CCDC178: variants seen among roughly 807,000 people sequenced by gnomAD.
CCDC178 encodes the protein coiled-coil domain containing 178.
CCDC178 carries 126 observed loss-of-function variants against 117.4 expected under a neutral mutation model. The ratio of observed to expected loss-of-function variants is 1.07; its 90% CI spans 0.93 to 1.24. CCDC178 has a LOEUF of 1.24. Ranked by LOEUF, CCDC178 falls within the 50% of genes most tolerant of loss-of-function variation. CCDC178 has a pLI of 0.00. For synonymous variants in CCDC178, 283 were observed against 313.4 expected (o/e 0.90, Z 1.02); for missense variants, 1,030 against 986.9 (o/e 1.04, Z -0.59).
At chr18:33,133,137 A>G (rs1269159200) in intron 20 of CCDC178, among the ~76,000 whole-genome samples, 1 of 151,846 alleles carries the variant, frequency 6.6e-6, no homozygotes, top group Non-Finnish European at 1.5e-5. Context: ...GAGTTTTGCT[A>G]TTATAGGGAA....
At chr18:33,261,497 CCTT>C (rs1178210170) in intron 14 of CCDC178, among the ~76,000 whole-genome samples, 3 of 152,100 alleles carry the variant, frequency 2.0e-5, no homozygotes, top group Non-Finnish European at 4.4e-5. Flanking sequence ...TTATCAGACA[CCTT>C]CTTGCTAGAT....
At chr18:33,067,244 C>A (rs759588297) in intron 21 of CCDC178, among the ~76,000 whole-genome samples, 1 of 152,092 alleles carries the variant, frequency 6.6e-6, no homozygotes, top group Non-Finnish European at 1.5e-5. Flanking sequence ...ACAACAAGAT[C>A]TTGAACAACC....
intron 11 of CCDC178, among the ~76,000 whole-genome samples, chr18:33,309,646 T>C (rs1431532473): frequency 6.6e-6 from 1 of 152,164 alleles, no homozygotes; most frequent in East Asian, 1.9e-4. Context: ...TCTTTTTTCC[T>C]AGGCTTTCAC....
intron 14 of CCDC178, among the ~76,000 whole-genome samples, chr18:33,250,634 T>C (rs889032642): frequency 6.6e-6 from 1 of 151,720 alleles, no homozygotes; most frequent in African/African-American, 2.4e-5. Flanking sequence ...TTTCAAAATA[T>C]GTAATAAAAT....
intron 20 of CCDC178, among the ~76,000 whole-genome samples, chr18:33,175,561 T>A (rs559294738): frequency 6.6e-6 from 1 of 152,252 alleles, no homozygotes; most frequent in South Asian, 2.1e-4. Context: ...TAATGCCTAC[T>A]TTCATCTGTT....
At chr18:33,280,377 G>A (rs1221494570) in intron 12 of CCDC178, among the ~76,000 whole-genome samples, 1 of 151,490 alleles carries the variant, frequency 6.6e-6, no homozygotes, top group Non-Finnish European at 1.5e-5. Flanking sequence ...GGCCATCAGA[G>A]AAATGCAAAT....
At chr18:33,143,160 G>A (rs2058228402) in intron 20 of CCDC178, among the ~76,000 whole-genome samples, 1 of 152,134 alleles carries the variant, frequency 6.6e-6, no homozygotes, top group East Asian at 1.9e-4. Flanking sequence ...AAAGCAGGCA[G>A]CTAGCATTGT....
At chr18:33,334,093 T>G (rs1041383521) in intron 9 of CCDC178, among the ~76,000 whole-genome samples, 2 of 152,062 alleles carry the variant, frequency 1.3e-5, no homozygotes, top group African/African-American at 4.8e-5. Context: ...AAGTGATTAT[T>G]ATTTTCTTAT....
At chr18:33,326,597 C>T (rs2062587797) in intron 10 of CCDC178, among the ~76,000 whole-genome samples, 1 of 152,142 alleles carries the variant, frequency 6.6e-6, no homozygotes, top group African/African-American at 2.4e-5. Flanking sequence ...ATCTATGAGG[C>T]AAGGGATTCC....
At chr18:33,396,874 T>G (rs2063644603) in intron 4 of CCDC178, among the ~76,000 whole-genome samples, 1 of 151,986 alleles carries the variant, frequency 6.6e-6, no homozygotes, top group Admixed American at 6.6e-5. Flanking sequence ...TCATAATCAT[T>G]TATGAAAAAA....
At chr18:33,293,509 T>C (rs9967168) in intron 11 of CCDC178, among the ~76,000 whole-genome samples, 197 bp from the exon 12 acceptor site, 70 of 150,344 alleles carry the variant, frequency 4.7e-4, no homozygotes, top group African/African-American at 1.2e-3. Context: ...AAAAAAAAAA[T>C]TGAAAATTAG....
intron 12 of CCDC178, among the ~76,000 whole-genome samples, chr18:33,290,862 A>G (rs1264225634): frequency 6.6e-6 from 1 of 152,136 alleles, no homozygotes; most frequent in Non-Finnish European, 1.5e-5. Context: ...AAAACTCATC[A>G]GTAAATTGTA....
intron 21 of CCDC178, among the ~76,000 whole-genome samples, chr18:32,984,190 A>G (rs1188882994): frequency 1.3e-5 from 2 of 151,866 alleles, no homozygotes; most frequent in Non-Finnish European, 2.9e-5. Flanking sequence ...TTAAAGAAGA[A>G]TTATTTAATT....
chr18:33,114,547 C>T, intron 20 of CCDC178, among the ~76,000 whole-genome samples: 1 of 151,926 alleles, frequency 6.6e-6, no homozygotes, highest in South Asian at 2.1e-4. Context: ...ATTAATCTGT[C>T]CCTAAGTTAA....
chr18:33,070,415 G>A (rs2057087987), intron 21 of CCDC178, among the ~76,000 whole-genome samples: 1 of 152,020 alleles, frequency 6.6e-6, no homozygotes, highest in East Asian at 1.9e-4. Flanking sequence ...ATAAGCCAGG[G>A]ATAAAATGAC....
intron 21 of CCDC178, among the ~76,000 whole-genome samples, chr18:33,049,807 G>A (rs1488369223): frequency 1.3e-5 from 2 of 152,076 alleles, no homozygotes; most frequent in Non-Finnish European, 2.9e-5. Flanking sequence ...ATAAGGCCAG[G>A]CACAGTGGCT....
intron 20 of CCDC178, among the ~76,000 whole-genome samples, chr18:33,180,514 ATAGACT>A (rs1257669468): frequency 2.0e-5 from 3 of 151,974 alleles, no homozygotes; most frequent in South Asian, 4.1e-4. Context: ...CCTGGAAGAA[ATAGACT>A]TAGAATAAAA....
chr18:33,235,751 G>A (rs1026885497), intron 15 of CCDC178, among the ~76,000 whole-genome samples: 1 of 152,120 alleles, frequency 6.6e-6, no homozygotes, highest in African/African-American at 2.4e-5. Flanking sequence ...AACAACTGGT[G>A]AAAGCTCTCA....
In CCDC178 at chr18:33,086,445, C is replaced by T. The variant is rs199684827; in HGVS notation, c.2388+6316G>A. Among the ~76,000 whole-genome samples the T allele has an allele frequency of 3.3e-4, 49 of 148,300 alleles. No homozygotes were observed. In the East Asian group the frequency reaches 8.1e-3, roughly 24 times the overall value. On this transcript the variant is annotated intron_variant, in intron 21 of 22. Transcript: ENST00000383096. ...ATATATACACACACACACACACACA[C>T]ATATATATATATAGCGAGAAAGAGA...
Sources: allele counts gnomAD v4.1 joint callset (sites outside exome capture counted in the v4.1 genomes callset), GRCh38; gene constraint gnomAD v4.1.1; transcripts MANE v1.5; gene names NCBI Gene and HGNC (gene_info 2026-07-23, HGNC 2026-07-21).